PPIE: variants seen among roughly 807,000 people sequenced by gnomAD.
PPIE encodes peptidyl-prolyl cis-trans isomerase E.
A neutral mutation model predicts 38.4 loss-of-function variants in PPIE; 20 were observed. The observed-to-expected ratio is 0.52, with a 90% CI of 0.37 to 0.76. The LOEUF (loss-of-function observed/expected upper bound fraction) is 0.76. Among genes scored for constraint, PPIE ranks in the 30% least tolerant of loss-of-function variants. PPIE has a pLI of 0.00. For missense variants in PPIE, 322 were observed against 385.8 expected (o/e 0.83, Z 1.39); for synonymous variants, 142 against 135.7 (o/e 1.05, Z -0.32).
chr1:39,745,812 CT>C (rs1430443022), intron 7 of PPIE: 6 of 230,860 alleles, frequency 2.6e-5, no homozygotes, highest in Admixed American at 2.0e-4. Context: ...TCATTTTCCC[CT>C]CTCTACATCC....
intron 7 of PPIE, chr1:39,746,511 T>A (rs1010490170): frequency 6.6e-6 from 1 of 152,260 alleles, no homozygotes; most frequent in African/African-American, 2.4e-5. Flanking sequence ...TAGGATGTCC[T>A]AGTCCAGAGA....
At position 39,753,809 on chromosome 1, in the gene PPIE, CT is replaced by C; in HGVS notation, c.*457del. On this transcript the variant is annotated 3_prime_UTR_variant, in exon 10 of 10. Coordinates refer to ENST00000324379, the MANE Select transcript of PPIE (RefSeq NM_006112.4). ...GGAGAGCAGAGCATCTTTTTCACAG[CT>C]TTCATTTCCTCCCTTGGGCCGATCC... 1 of 994,854 alleles carries C rather than the reference CT, an allele frequency of 1.0e-6. No individual in the cohort carries two copies. The highest frequency in any genetic ancestry group is 1.2e-6 in the Non-Finnish European group (1 of 835,916). 61.6% of individuals were successfully genotyped at this position (994,854 alleles called of 1,614,324 possible). A position where few individuals can be genotyped will look rare whatever the true frequency, so the allele number is the denominator to read the frequency against.
At chr1:39,741,024 T>C (rs564382081) in intron 2 of PPIE, among the ~76,000 whole-genome samples, 39 of 152,362 alleles carry the variant, frequency 2.6e-4, no homozygotes, top group African/African-American at 9.1e-4. Context: ...GCGCAAAATA[T>C]ATATTTAGAT....
At chr1:39,751,092 G>A (rs572364053) in intron 8 of PPIE, among the ~76,000 whole-genome samples, 4 of 152,336 alleles carry the variant, frequency 2.6e-5, no homozygotes, top group Admixed American at 2.0e-4. Flanking sequence ...AAATGCAGAC[G>A]GGAGTGTCAA....
At chr1:39,751,015 A>T (rs558786644) in intron 8 of PPIE, among the ~76,000 whole-genome samples, 1 of 152,386 alleles carries the variant, frequency 6.6e-6, no homozygotes, top group African/African-American at 2.4e-5. Context: ...ATGCTTAAGC[A>T]CAGCTGTGTC....
intron 4 of PPIE, chr1:39,742,250 G>T (rs1448368432): frequency 4.5e-6 from 1 of 222,658 alleles, no homozygotes; most frequent in Non-Finnish European, 8.8e-6. Flanking sequence ...ATTTCATGAA[G>T]TGTTAGACCA....
intron 9 of PPIE, 64 bp from the exon 10 acceptor site, chr1:39,753,223 G>T: frequency 1.2e-6 from 2 of 1,601,862 alleles, no homozygotes; most frequent in African/African-American, 1.3e-5. Flanking sequence ...GCAGGCAGGG[G>T]TTGGTATCCC....
chr1:39,763,574 T>C, intron 9 of PPIE: 3 of 1,308,630 alleles, frequency 2.3e-6, no homozygotes, highest in Non-Finnish European at 3.1e-6. Flanking sequence ...ATTCTCACTT[T>C]AGAAAACTTG....
downstream of PPIE, chr1:39,757,662 C>G (rs1569737470): frequency 1.3e-5 from 2 of 152,368 alleles, no homozygotes; most frequent in Non-Finnish European, 2.9e-5. Context: ...CACCATCATC[C>G]TTCCAACCCT....
intron 8 of PPIE, among the ~76,000 whole-genome samples, chr1:39,749,299 A>G (rs1285521258): frequency 1.3e-5 from 2 of 151,970 alleles, no homozygotes; most frequent in Admixed American, 6.6e-5. Flanking sequence ...CGTGTCCACA[A>G]TTCCTATTAG....
chr1:39,745,740 T>C (rs750762621), intron 7 of PPIE: 68 of 475,162 alleles, frequency 1.4e-4, no homozygotes, highest in Admixed American at 7.2e-5. Context: ...TAATGTATTC[T>C]TTTTTTTAAA....
chr1:39,759,842 G>C (rs1648696279), downstream of PPIE: 1 of 152,742 alleles, frequency 6.5e-6, no homozygotes, highest in Admixed American at 6.5e-5. Flanking sequence ...GCTTTTTCTT[G>C]AGTTGACTCC....
At chr1:39,744,367 G>T (rs2124314299) in intron 6 of PPIE, among the ~76,000 whole-genome samples, 1 of 152,254 alleles carries the variant, frequency 6.6e-6, no homozygotes, top group East Asian at 1.9e-4. Flanking sequence ...TGGGTTCAGG[G>T]TTCTCCAGTC....
At chr1:39,749,181 G>A (rs1297124992) in intron 8 of PPIE, 93 bp downstream of exon 8, 11 of 1,358,764 alleles carry the variant, frequency 8.1e-6, no homozygotes, top group Middle Eastern at 3.8e-4. Context: ...TCTGGCTGGC[G>A]GACACTAAGA....
rs749448341 is a variant in PPIE at position 39,753,335 on chromosome 1, G to T, written c.886G>T (p.Asp296Tyr). 3 of 1,614,188 alleles carry T rather than the reference G, an allele frequency of 1.9e-6. No homozygotes were observed. The highest frequency in any genetic ancestry group is 1.7e-6 in the Non-Finnish European group (2 of 1,180,012). Residue 296 changes from aspartate to tyrosine, a missense_variant, in exon 10 of 10, where the codon GAC becomes TAC. Physicochemically the swap from Asp to Tyr is radical, Grantham distance 160 (BLOSUM62 -3). Coordinates refer to ENST00000324379, the MANE Select transcript of PPIE (RefSeq NM_006112.4). ...GKPKQKVIIA[D>Y]CGEYV ...GCCAAAGCAGAAGGTGATCATCGCC[G>T]ACTGTGGGGAGTACGTGTGAGGCGG...
At chr1:39,748,715 A>C in intron 7 of PPIE, 188 bp from the exon 8 acceptor site, 1 of 585,692 alleles carries the variant, frequency 1.7e-6, no homozygotes, top group Non-Finnish European at 3.0e-6. Context: ...AGCATGGGCA[A>C]CAAGAGTGAA....
At chr1:39,753,207 A>T in intron 9 of PPIE, 80 bp from the exon 10 acceptor site, 1 of 1,596,164 alleles carries the variant, frequency 6.3e-7, no homozygotes, top group Admixed American at 1.7e-5. Flanking sequence ...GGAAGTGGGC[A>T]AATGGGCAGG....
intron 3 of PPIE, 147 bp downstream of exon 3, chr1:39,741,556 C>T (rs1272013558): frequency 1.1e-5 from 9 of 824,764 alleles, no homozygotes; most frequent in Admixed American, 2.3e-5. Context: ...CTAAGGAAAG[C>T]GTCTCTCACA....
Position 39,738,921 on chromosome 1 carries a change from C to A in PPIE, c.21C>A (p.Val7=). The part of the protein sequence containing the change: MATTKR[V]LYVGGLAEEV... ...GCAAGATGGCCACCACCAAGCGCGT[C>A]TTGTACGTGGGTGAGCAGGAGGGGT... The change falls in exon 1 of 10, where the codon GTC becomes GTA. Residue 7 remains valine, a synonymous_variant. Transcript: ENST00000324379. 1 of 1,500,214 alleles carries A rather than the reference C, an allele frequency of 6.7e-7. No homozygotes were observed. Among genetic ancestry groups the A allele is most frequent in the Non-Finnish European group, 8.9e-7 (1 of 1,126,074 alleles). The allele number at this position is 1,500,214 out of a possible 1,614,324, so 92.9% of individuals were successfully genotyped here.
Sources: gnomAD v4.1 joint callset for allele counts (sites outside exome capture counted in the v4.1 genomes callset) on GRCh38, gnomAD v4.1.1 for gene constraint, MANE v1.5 for transcripts, NCBI Gene and HGNC (gene_info 2026-07-23, HGNC 2026-07-21) for gene names.